RAP1A: variants seen among roughly 807,000 people sequenced by gnomAD.
The protein encoded by RAP1A is ras-related protein Rap-1A.
Under a neutral mutation model 26.4 loss-of-function variants are expected in RAP1A, and 6 were observed. That is an observed-to-expected ratio of 0.23 (90% CI 0.12 to 0.45). The LOEUF is 0.45. Among genes scored for constraint, RAP1A ranks in the 20% least tolerant of loss-of-function variants. The pLI is 0.99. For synonymous variants in RAP1A, 73 were observed against 79.4 expected, an observed-to-expected ratio of 0.92 and a Z score of 0.43; for missense variants, 121 against 217.2, an observed-to-expected ratio of 0.56 and a Z score of 2.78.
intron 1 of RAP1A, among the ~76,000 whole-genome samples, chr1:111,689,424 T>TC (rs376854118): frequency 3.9e-5 from 6 of 152,274 alleles, no homozygotes; most frequent in African/African-American, 1.4e-4. Context: ...TGTCTTCAGA[T>TC]CCCCTGAACT....
intron 2 of RAP1A, among the ~76,000 whole-genome samples, 160 bp downstream of exon 2, chr1:111,691,577 G>A (rs938569453): frequency 5.9e-5 from 9 of 152,194 alleles, no homozygotes; most frequent in African/African-American, 1.9e-4. Flanking sequence ...AACCACAGAT[G>A]TATATAGTTT....
chr1:111,583,876 C>CTTTT (rs71099920), intron 1 of RAP1A, among the ~76,000 whole-genome samples: 5 of 90,110 alleles, frequency 5.5e-5, no homozygotes, highest in African/African-American at 1.1e-4. Flanking sequence ...ATTGTTATTT[C>CTTTT]TTTTTTTTTT....
At chr1:111,594,593 G>GCA (rs1658530709) in intron 1 of RAP1A, among the ~76,000 whole-genome samples, 1 of 147,758 alleles carries the variant, frequency 6.8e-6, no homozygotes, top group African/African-American at 2.6e-5. Context: ...AGGAAGGGAG[G>GCA]GAGGAAGGAA....
At chr1:111,626,530 A>G (rs1217924386) in intron 1 of RAP1A, among the ~76,000 whole-genome samples, 1 of 152,178 alleles carries the variant, frequency 6.6e-6, no homozygotes, top group Non-Finnish European at 1.5e-5. Context: ...ACTGATTAAA[A>G]TCATCCTTTG....
At chr1:111,575,878 C>A (rs1269858044) in intron 1 of RAP1A, among the ~76,000 whole-genome samples, 2 of 152,172 alleles carry the variant, frequency 1.3e-5, no homozygotes, top group African/African-American at 4.8e-5. Context: ...TCATAGATCA[C>A]CTAGCACATG....
At chr1:111,676,716 C>T (rs559981) in intron 1 of RAP1A, among the ~76,000 whole-genome samples, 33,194 of 151,936 alleles carry the variant, frequency 0.22, 3,687 homozygotes, top group African/African-American at 0.26. Flanking sequence ...GTAGCCATTA[C>T]CCCTGTGCCA....
chr1:111,668,826 C>T (rs775092527), intron 1 of RAP1A, among the ~76,000 whole-genome samples: 1 of 151,716 alleles, frequency 6.6e-6, no homozygotes, highest in Non-Finnish European at 1.5e-5. Context: ...CCAAGGAGTT[C>T]GAGACCAATG....
intron 1 of RAP1A, among the ~76,000 whole-genome samples, chr1:111,631,303 G>A (rs509864): frequency 0.87 from 131,876 of 152,206 alleles, 57,358 homozygotes; most frequent in African/African-American, 0.92. Context: ...GGTAGACAAA[G>A]ATCTTTAAAC....
chr1:111,699,213 A>G (rs1661936438), intron 4 of RAP1A, among the ~76,000 whole-genome samples: 1 of 152,070 alleles, frequency 6.6e-6, no homozygotes, highest in South Asian at 2.1e-4. Flanking sequence ...TCTCTTTCAC[A>G]TACACTGATT....
chr1:111,582,031 A>G (rs1401061492), intron 1 of RAP1A, among the ~76,000 whole-genome samples: 2 of 152,166 alleles, frequency 1.3e-5, no homozygotes, highest in East Asian at 1.9e-4. Context: ...CAAGATTTGA[A>G]CCCAGTTAAG....
At chr1:111,651,695 T>C (rs531770546) in intron 1 of RAP1A, among the ~76,000 whole-genome samples, 1 of 152,198 alleles carries the variant, frequency 6.6e-6, no homozygotes, top group South Asian at 2.1e-4. Flanking sequence ...CAGGCTGGTC[T>C]TGAACTCCTG....
At position 111,656,345 on chromosome 1, in the gene RAP1A, G is replaced by A. The variant is rs143205735; in HGVS notation, c.-27-34989G>A. Among the ~76,000 whole-genome samples, 6 of 152,244 alleles carry A rather than the reference G, an allele frequency of 3.9e-5. No individual in the cohort carries two copies. The East Asian group carries it at 1.2e-3, about 29-fold the overall frequency. On this transcript the variant is annotated intron_variant, in intron 1 of 7. Transcript: ENST00000369709. ...TTCATTCTGGACAAATACTTACTGA[G>A]TTGCTCTTAAATGTTTGATTAATAA...
chr1:111,628,929 AAT>A (rs903677656), intron 1 of RAP1A, among the ~76,000 whole-genome samples: 2 of 152,194 alleles, frequency 1.3e-5, no homozygotes, highest in African/African-American at 4.8e-5. Context: ...TGCTTTTAAA[AAT>A]ATATATGTAC....
chr1:111,703,852 A>G (rs1386068962), intron 5 of RAP1A, among the ~76,000 whole-genome samples: 1 of 152,166 alleles, frequency 6.6e-6, no homozygotes, highest in Non-Finnish European at 1.5e-5. Flanking sequence ...TTATTTCTAA[A>G]ATTCCATTGG....
chr1:111,635,942 T>A (rs1659718340), intron 1 of RAP1A, among the ~76,000 whole-genome samples: 1 of 152,158 alleles, frequency 6.6e-6, no homozygotes, highest in Non-Finnish European at 1.5e-5. Flanking sequence ...ATGCCATGTA[T>A]CCCCTATTTT....
chr1:111,632,608 T>G (rs1356151153), intron 1 of RAP1A, among the ~76,000 whole-genome samples: 3 of 152,026 alleles, frequency 2.0e-5, no homozygotes, highest in Non-Finnish European at 4.4e-5. Flanking sequence ...GTAGAATACT[T>G]TGGATTAGAT....
chr1:111,593,680 A>C (rs1458003407), intron 1 of RAP1A, among the ~76,000 whole-genome samples: 10 of 26,102 alleles, frequency 3.8e-4, no homozygotes, highest in East Asian at 9.4e-4. Flanking sequence ...TTTTTTTTTT[A>C]CCTTTCTAAG....
At chr1:111,637,908 A>G (rs1244707595) in intron 1 of RAP1A, among the ~76,000 whole-genome samples, 1 of 152,090 alleles carries the variant, frequency 6.6e-6, no homozygotes, top group Non-Finnish European at 1.5e-5. Flanking sequence ...CTGTAGGATA[A>G]ATTCCAAAAA....
intron 1 of RAP1A, among the ~76,000 whole-genome samples, chr1:111,659,511 CTTTT>C: frequency 7.1e-6 from 1 of 141,650 alleles, no homozygotes; most frequent in South Asian, 2.2e-4. Context: ...GTGACAGTCT[CTTTT>C]TTTTTTTTTC....
Sources: gnomAD v4.1 joint callset for allele counts (sites outside exome capture counted in the v4.1 genomes callset) on GRCh38, gnomAD v4.1.1 for gene constraint, MANE v1.5 for transcripts, NCBI Gene and HGNC (gene_info 2026-07-23, HGNC 2026-07-21) for gene names.